The following ANKRD40CL variants were observed in gnomAD, a reference collection of about 807,000 sequenced individuals.
ANKRD40CL encodes ANKRD40 C-terminal like, also known as putative ANKRD40 C-terminal-like protein.
For missense variants in ANKRD40CL, 11 were observed against 6.4 expected (o/e 1.71, Z -0.77); for synonymous variants, 5 against 2.3 (o/e 2.14, Z -1.04).
At chr17:50,766,124 C>T (rs1402733143) in intron 2 of ANKRD40CL, among the ~76,000 whole-genome samples, 1 of 152,150 alleles carries the variant, frequency 6.6e-6, no homozygotes, top group African/African-American at 2.4e-5. Flanking sequence ...TCAGCCCCTT[C>T]CCAGGACAGG....
intron 2 of ANKRD40CL, among the ~76,000 whole-genome samples, chr17:50,765,975 C>G (rs1287299715): frequency 6.6e-6 from 1 of 152,150 alleles, no homozygotes; most frequent in Non-Finnish European, 1.5e-5. Flanking sequence ...TCAACAATCA[C>G]AGAATGTTGA....
At chr17:50,764,967 G>C (rs1404735002) in intron 2 of ANKRD40CL, 2 of 152,270 alleles carry the variant, frequency 1.3e-5, no homozygotes, top group South Asian at 4.1e-4. Context: ...GGATGAATAG[G>C]CTTCACTAGA....
intron 2 of ANKRD40CL, among the ~76,000 whole-genome samples, chr17:50,766,300 G>C (rs2143165328): frequency 6.6e-6 from 1 of 152,290 alleles, no homozygotes; most frequent in East Asian, 1.9e-4. Flanking sequence ...ATACCTGATA[G>C]AGATACCAGA....
rs1274720191 is a variant in ANKRD40CL, at chr17:50,767,025, A to G, written c.-98-14T>C. On this transcript the variant is annotated splice_polypyrimidine_tract_variant and intron_variant, in intron 1 of 3. Transcript: ENST00000450727. ...CAGCACATCTGTCTGCAAGGTAACA[A>G]CAGTGTGTTCTTGCCAGCCCAGTGA... is the stretch of plus-strand genomic sequence containing the variant. The G allele has an allele frequency of 4.3e-6, 3 of 702,030 alleles. No individual in the cohort carries two copies. Among genetic ancestry groups the G allele is most frequent in the East Asian group, 2.7e-5 (1 of 37,292 alleles). The allele number at this position is 702,030 out of a possible 1,614,324, so 43.5% of individuals were successfully genotyped here.
At chr17:50,766,047 A>G (rs1288942046) in intron 2 of ANKRD40CL, among the ~76,000 whole-genome samples, 1 of 152,196 alleles carries the variant, frequency 6.6e-6, no homozygotes, top group East Asian at 1.9e-4. Flanking sequence ...TCACAGACTT[A>G]TGAAGTCAGC....
rs1479737777 is a variant in ANKRD40CL, at chr17:50,761,523, AATTAT to A, written c.202-22_202-18del. The A allele has an allele frequency of 1.0e-5, 4 of 398,592 alleles. No individual in the cohort carries two copies. The highest frequency in any genetic ancestry group is 8.2e-5 in the African/African-American group (4 of 48,614). 24.7% of individuals were successfully genotyped at this position (398,592 alleles called of 1,614,324 possible). A position where few individuals can be genotyped will look rare whatever the true frequency, so the allele number is the denominator to read the frequency against. On this transcript the variant is annotated intron_variant, in intron 3 of 3. Coordinates refer to ENST00000450727, the MANE Select transcript of ANKRD40CL (RefSeq NM_001358683.3). ...GTCTTTGTCCTTAATGTAGAAAAGA[AATTAT>A]ATTATGCTTAATAAATTTGAATGTA...
chr17:50,765,796 G>A (rs1477186403), intron 2 of ANKRD40CL, among the ~76,000 whole-genome samples: 5 of 152,226 alleles, frequency 3.3e-5, no homozygotes, highest in South Asian at 2.1e-4. Context: ...AGGTGACAGC[G>A]GAATGAGGGA....
Position 50,766,884 on chromosome 17 carries a change from C to T in ANKRD40CL, c.30G>A (p.Glu10=), listed in dbSNP as rs1479887940. MAEPEQDIG[E]KPAVRIQNPK... ...GACTCCCAGACTCACCTGCTGGCTTCTCCCCGATGTCCTGTTCCGGTTCAG... is the reference window on the plus strand; with the variant it reads ...GACTCCCAGACTCACCTGCTGGCTTTTCCCCGATGTCCTGTTCCGGTTCAG... Residue 10 remains glutamate (E), a synonymous_variant, in exon 2 of 4, where the codon GAG becomes GAA. Transcript: ENST00000450727. The T allele has an allele frequency of 1.5e-5, 10 of 667,066 alleles. No individual in the cohort carries two copies. The highest frequency in any genetic ancestry group is 1.5e-4 in the South Asian group (9 of 61,484). 41.3% of individuals were successfully genotyped at this position (667,066 alleles called of 1,614,324 possible).
chr17:50,767,165 C>T (rs757120415), intron 1 of ANKRD40CL, 154 bp from the exon 2 acceptor site: 3 of 653,562 alleles, frequency 4.6e-6, no homozygotes, highest in Non-Finnish European at 2.8e-6. Flanking sequence ...GCTCCAGACT[C>T]TCTTCTCAGG....
At chr17:50,762,697 A>G (rs1971222238) in intron 3 of ANKRD40CL, among the ~76,000 whole-genome samples, 1 of 152,234 alleles carries the variant, frequency 6.6e-6, no homozygotes, top group South Asian at 2.1e-4. Flanking sequence ...TGGGAAATAT[A>G]TAAAAATGCA....
chr17:50,763,973 A>C (rs1971252045), intron 2 of ANKRD40CL: 1 of 393,592 alleles, frequency 2.5e-6, no homozygotes, highest in Non-Finnish European at 4.5e-6. Flanking sequence ...CAGAGGAGCA[A>C]ATCGCTCTTG....
intron 2 of ANKRD40CL, chr17:50,764,529 T>G (rs953023909): frequency 8.4e-5 from 24 of 284,484 alleles, no homozygotes; most frequent in Non-Finnish European, 2.6e-5. Flanking sequence ...AGCTCAAGTT[T>G]TTACTTAAAT....
intron 3 of ANKRD40CL, 150 bp from the exon 4 acceptor site, chr17:50,761,656 G>T: frequency 2.7e-6 from 1 of 368,234 alleles, no homozygotes; most frequent in Non-Finnish European, 4.8e-6. Flanking sequence ...CCAGGCTGGA[G>T]GGCAATGATG....
At chr17:50,764,629 GAGGGA>G (rs1971264682) in intron 2 of ANKRD40CL, 1 of 167,214 alleles carries the variant, frequency 6.0e-6, no homozygotes, top group South Asian at 2.0e-4. Flanking sequence ...TTCTCACCCA[GAGGGA>G]AGGGAAAGGA....
At chr17:50,762,362 G>A (rs1211963350) in intron 3 of ANKRD40CL, among the ~76,000 whole-genome samples, 1 of 152,130 alleles carries the variant, frequency 6.6e-6, no homozygotes, top group Non-Finnish European at 1.5e-5. Context: ...GCACTTAGGA[G>A]GATGAGGCCA....
At chr17:50,767,108 C>A in intron 1 of ANKRD40CL, 97 bp from the exon 2 acceptor site, 2 of 690,106 alleles carry the variant, frequency 2.9e-6, no homozygotes, top group Non-Finnish European at 5.3e-6. Flanking sequence ...CAGCGTGTGG[C>A]ATGATTTGCA....
chr17:50,764,321 T>G (rs1028089176), intron 2 of ANKRD40CL: 52 of 398,370 alleles, frequency 1.3e-4, no homozygotes, highest in Non-Finnish European at 1.8e-5. Context: ...AGGACAAGGA[T>G]GCCCCACTTC....
intron 3 of ANKRD40CL, among the ~76,000 whole-genome samples, chr17:50,762,546 A>G (rs1230683284): frequency 6.6e-6 from 1 of 152,172 alleles, no homozygotes; most frequent in Non-Finnish European, 1.5e-5. Flanking sequence ...ATTGCATTCT[A>G]TTGTGGGTGA....
At chr17:50,763,311 A>G (rs1971236673) in intron 3 of ANKRD40CL, 86 bp downstream of exon 3, 1 of 398,736 alleles carries the variant, frequency 2.5e-6, no homozygotes, top group African/African-American at 2.1e-5. Flanking sequence ...TTCTGGTGTC[A>G]TGAAATGCAG....
Sources: gnomAD v4.1 joint callset for allele counts (sites outside exome capture counted in the v4.1 genomes callset) on GRCh38, gnomAD v4.1.1 for gene constraint, MANE v1.5 for transcripts, NCBI Gene and HGNC (gene_info 2026-07-23, HGNC 2026-07-21) for gene names.